Variants in PCSK5 observed in about 807,000 individuals in gnomAD.
PCSK5 encodes the protein proprotein convertase subtilisin/kexin type 5.
A neutral mutation model predicts 233.2 loss-of-function variants in PCSK5; 129 were observed. The ratio of observed to expected loss-of-function variants is 0.55; its 90% confidence interval spans 0.48 to 0.64. PCSK5 has a LOEUF of 0.64. PCSK5 is among the 30% of genes least tolerant of loss of function. The pLI is 0.00. For synonymous variants in PCSK5, 825 were observed against 879.2 expected (o/e 0.94, Z 1.09); for missense variants, 2,076 against 2,430.1 (o/e 0.85, Z 3.06).
intron 2 of PCSK5, among the ~76,000 whole-genome samples, chr9:75,939,229 T>C (rs1015318484): frequency 6.6e-6 from 1 of 152,224 alleles, no homozygotes; most frequent in Non-Finnish European, 1.5e-5. Flanking sequence ...TGATTAACTT[T>C]TTAAATAACA....
intron 2 of PCSK5, among the ~76,000 whole-genome samples, chr9:75,940,246 C>T (rs983836647): frequency 3.9e-5 from 6 of 152,176 alleles, no homozygotes; most frequent in African/African-American, 1.2e-4. Context: ...CTTTTGCCTT[C>T]CAGAATTCTA....
At chr9:76,325,936 C>A (rs901163821) in intron 32 of PCSK5, among the ~76,000 whole-genome samples, 3 of 152,112 alleles carry the variant, frequency 2.0e-5, no homozygotes, top group Admixed American at 6.5e-5. Context: ...CATGCCCGGC[C>A]GCCATTGCAC....
intron 24 of PCSK5, among the ~76,000 whole-genome samples, chr9:76,240,894 T>C (rs1451122766): frequency 2.0e-5 from 3 of 152,186 alleles, no homozygotes; most frequent in Non-Finnish European, 4.4e-5. Context: ...TTCTTGTCTT[T>C]ATGAAACTCA....
At chr9:76,153,482 C>T (rs1363821466) in intron 10 of PCSK5, among the ~76,000 whole-genome samples, 1 of 152,210 alleles carries the variant, frequency 6.6e-6, no homozygotes, top group Non-Finnish European at 1.5e-5. Flanking sequence ...AGTGCTTGCA[C>T]AGAGTGGCTT....
At chr9:75,989,932 A>G (rs947509600) in intron 3 of PCSK5, among the ~76,000 whole-genome samples, 1 of 152,146 alleles carries the variant, frequency 6.6e-6, no homozygotes, top group Non-Finnish European at 1.5e-5. Flanking sequence ...GAGGCCGGCT[A>G]CCACAATTAA....
rs373764945 is a variant in PCSK5 at position 76,023,725 on chromosome 9, C to G, written c.412-13C>G. The G allele has an allele frequency of 6.9e-6, 11 of 1,593,232 alleles. No homozygotes were observed. Among genetic ancestry groups the G allele is most frequent in the Admixed American group, 1.8e-5 (1 of 55,460 alleles). On this transcript the variant is annotated splice_polypyrimidine_tract_variant and intron_variant, in intron 3 of 37. Coordinates refer to ENST00000674117, the MANE Select transcript of PCSK5 (RefSeq NM_001372043.1). The stretch of plus-strand genomic sequence containing the variant: ...CTATTTAGTAATCTTGCAGCATGCT[C>G]TTCTTCTTTCAGCACTGCAGTGACA...
chr9:75,954,751 C>T (rs1825018441), intron 2 of PCSK5, among the ~76,000 whole-genome samples: 1 of 152,176 alleles, frequency 6.6e-6, no homozygotes, highest in African/African-American at 2.4e-5. Context: ...ACACTGGGAG[C>T]ATGGCCTGAA....
intron 24 of PCSK5, among the ~76,000 whole-genome samples, chr9:76,275,422 G>T (rs56366936): frequency 1.3e-5 from 2 of 151,892 alleles, no homozygotes; most frequent in Admixed American, 6.6e-5. Context: ...TTTTTTGGGG[G>T]TTTTTTGTTT....
chr9:76,027,045 C>A lies in PCSK5; in HGVS notation c.632+8C>A, dbSNP rs370410230. On this transcript the variant is annotated splice_region_variant and intron_variant, in intron 5 of 37. Coordinates refer to ENST00000674117, the MANE Select transcript of PCSK5 (RefSeq NM_001372043.1). ...TGCAAGCAACGAGAACAAGTAAGGC[C>A]CAAGTGAGGGGTGGCTGGCATGTGG... 1 of 1,590,498 alleles carries A rather than the reference C, an allele frequency of 6.3e-7. No individual in the cohort carries two copies.
At chr9:76,148,042 AT>A (rs1252982505) in intron 10 of PCSK5, among the ~76,000 whole-genome samples, 1 of 151,800 alleles carries the variant, frequency 6.6e-6, no homozygotes, top group East Asian at 2.0e-4. Flanking sequence ...TCCTTAGTTC[AT>A]TCAGTCCTTC....
chr9:76,202,439 C>T (rs113904426), intron 20 of PCSK5, among the ~76,000 whole-genome samples: 3,455 of 152,354 alleles, frequency 0.023, 54 homozygotes, highest in Middle Eastern at 0.034. Context: ...CATGAGACTC[C>T]ACTCCCCTGT....
chr9:76,328,034 C>A lies in PCSK5; in HGVS notation c.4365C>A (p.Cys1455Ter). 12 of 1,612,492 alleles carry A rather than the reference C, an allele frequency of 7.4e-6. No homozygotes were observed. Among genetic ancestry groups the A allele is most frequent in the Non-Finnish European group, 9.3e-6 (11 of 1,179,516 alleles). The change falls in exon 33 of 38, where the codon TGC becomes TGA. Residue 1455 changes from cysteine to a stop codon, truncating the protein, a stop_gained. Coordinates refer to ENST00000674117, the MANE Select transcript of PCSK5 (RefSeq NM_001372043.1). LOFTEE classifies it high-confidence loss of function. ...CRDCHKSCLTCSSSGTCTTCQ... is the reference protein window; with the variant it reads ...CRDCHKSCLT Reference sequence around the variant, plus strand: ...ATTGCCACAAGTCCTGCTTGACCTGCTCATCATCTGGGACCTGCACCACCT... The same window carrying A: ...ATTGCCACAAGTCCTGCTTGACCTGATCATCATCTGGGACCTGCACCACCT...
At chr9:76,200,740 C>T (rs560366987) in intron 20 of PCSK5, among the ~76,000 whole-genome samples, 10 of 152,250 alleles carry the variant, frequency 6.6e-5, no homozygotes, top group African/African-American at 1.9e-4. Context: ...GTCCTGTGGA[C>T]GGCGATCACT....
At chr9:76,048,229 A>C (rs1829492558) in intron 5 of PCSK5, among the ~76,000 whole-genome samples, 1 of 152,180 alleles carries the variant, frequency 6.6e-6, no homozygotes, top group Non-Finnish European at 1.5e-5. Flanking sequence ...GTTTGTTTGC[A>C]TTTTATGTCC....
At chr9:76,028,805 T>C (rs1828536795) in intron 5 of PCSK5, among the ~76,000 whole-genome samples, 1 of 152,186 alleles carries the variant, frequency 6.6e-6, no homozygotes, top group Non-Finnish European at 1.5e-5. Context: ...TTATCAGTTT[T>C]GTTTCAGGGT....
chr9:76,080,293 C>A (rs575066689), intron 7 of PCSK5, among the ~76,000 whole-genome samples: 1 of 152,132 alleles, frequency 6.6e-6, no homozygotes, highest in Non-Finnish European at 1.5e-5. Flanking sequence ...TAAAAGGCTT[C>A]GCTGGTTTTC....
intron 2 of PCSK5, among the ~76,000 whole-genome samples, chr9:75,950,253 A>G (rs1041921864): frequency 2.0e-5 from 3 of 147,892 alleles, no homozygotes; most frequent in Non-Finnish European, 4.5e-5. Flanking sequence ...TTTACTTTTT[A>G]TATAAATCTT....
At chr9:76,239,658 C>T (rs1348580474) in intron 23 of PCSK5, among the ~76,000 whole-genome samples, 2 of 147,932 alleles carry the variant, frequency 1.4e-5, no homozygotes, top group East Asian at 2.0e-4. Flanking sequence ...ATCACACCAC[C>T]GCACTCCAGC....
At chr9:76,257,839 T>C (rs1024506075) in intron 24 of PCSK5, among the ~76,000 whole-genome samples, 3 of 152,058 alleles carry the variant, frequency 2.0e-5, no homozygotes, top group Admixed American at 6.6e-5. Context: ...CAATCAAAAC[T>C]TTTTTCCTCG....
Sources: allele counts gnomAD v4.1 joint callset (sites outside exome capture counted in the v4.1 genomes callset), GRCh38; gene constraint gnomAD v4.1.1; transcripts MANE v1.5; gene names NCBI Gene and HGNC (gene_info 2026-07-23, HGNC 2026-07-21).